Variants in UBR4 observed in about 807,000 individuals in gnomAD.
The protein encoded by UBR4 is E3 ubiquitin-protein ligase UBR4.
Under a neutral mutation model 575.6 loss-of-function variants are expected in UBR4, and 124 were observed. That is an observed-to-expected ratio of 0.22 (90% CI 0.19 to 0.25). The LOEUF (loss-of-function observed/expected upper bound fraction) is 0.25, where lower values mean the gene tolerates loss of function less well. Ranked by LOEUF, UBR4 falls within the 10% of genes least tolerant of loss-of-function variation. UBR4 has a pLI of 1.00. For missense variants in UBR4, 4,818 were observed against 6,478.8 expected (o/e 0.74, Z 8.80); for synonymous variants, 2,455 against 2,473.7 (o/e 0.99, Z 0.22).
chr1:19,144,269 C>T (rs2084524135), intron 54 of UBR4, among the ~76,000 whole-genome samples, 178 bp from the exon 55 acceptor site: 1 of 152,232 alleles, frequency 6.6e-6, no homozygotes, highest in East Asian at 1.9e-4. Flanking sequence ...CCTGTTCTGG[C>T]ACACATTAAG....
intron 2 of UBR4, among the ~76,000 whole-genome samples, chr1:19,201,338 A>G (rs2092731319): frequency 6.6e-6 from 1 of 152,202 alleles, no homozygotes; most frequent in Admixed American, 6.5e-5. Flanking sequence ...CCAAAACCAA[A>G]TAAGGAATAG....
chr1:19,077,301 G>A lies in UBR4; in HGVS notation c.15325-399C>T, dbSNP rs144378544. On this transcript the variant is annotated intron_variant, in intron 104 of 105. Transcript: ENST00000375254. ...GAGTGTCCTGTTATAAGCTGGCTGC[G>A]GTAAGTCAGACTCACTCAGGGCAAC... Among the ~76,000 whole-genome samples the A allele has an allele frequency of 3.3e-5, 5 of 152,324 alleles. No homozygotes were observed. The East Asian group carries it at 9.6e-4, about 29-fold the overall frequency.
In UBR4 at chr1:19,141,435, G is replaced by A. The variant is rs1272370188; in HGVS notation, c.8400C>T (p.Phe2800=). The change falls in exon 57 of 106, where the codon TTC becomes TTT. Residue 2800 remains phenylalanine, a synonymous_variant. Coordinates refer to ENST00000375254, the MANE Select transcript of UBR4 (RefSeq NM_020765.3). The part of the protein sequence containing the change: ...LEALLAGAEG[F]PPMLDIPPDA... ...CAGGTGGGATGTCCAGCATGGGGGGGAAGCCCTCTGCGCCTGCCAGCAGGG... is the reference window on the plus strand; with the variant it reads ...CAGGTGGGATGTCCAGCATGGGGGGAAAGCCCTCTGCGCCTGCCAGCAGGG... 6.2e-7 allele frequency: 1 copy of A among 1,614,246 alleles called. No homozygotes were observed. The highest frequency in any genetic ancestry group is 1.7e-5 in the Admixed American group (1 of 60,032).
Position 19,157,707 on chromosome 1 carries a change from T to A in UBR4, c.5760+108A>T. The A allele has an allele frequency of 7.2e-7, 1 of 1,397,250 alleles. No individual in the cohort carries two copies. Among genetic ancestry groups the A allele is most frequent in the Middle Eastern group, 2.5e-4 (1 of 3,930 alleles). 86.6% of individuals were successfully genotyped at this position (1,397,250 alleles called of 1,614,324 possible). ...TCCCTGAAGCATTCTTAGAACGCAG[T>A]GGACTTTTTCCCACAGAGGGCTAAT... On this transcript the variant is annotated intron_variant, in intron 40 of 105. Coordinates refer to ENST00000375254, the MANE Select transcript of UBR4 (RefSeq NM_020765.3). The surrounding 1 kb of genome is among the most constrained non-coding windows in gnomAD (Gnocchi z 4.4).
At chr1:19,148,669 T>G in intron 49 of UBR4, 43 bp from the exon 50 acceptor site, 1 of 1,609,900 alleles carries the variant, frequency 6.2e-7, no homozygotes, top group Non-Finnish European at 8.5e-7. Context: ...CACCGTTCTC[T>G]CCGCCTTGCG....
chr1:19,207,803 T>G (rs2093084985), intron 1 of UBR4, among the ~76,000 whole-genome samples: 2 of 152,026 alleles, frequency 1.3e-5, no homozygotes, highest in South Asian at 4.1e-4. Context: ...AAGAATAGTT[T>G]GTGACATGTA....
At chr1:19,115,322 G>T in intron 74 of UBR4, 76 bp downstream of exon 74, 1 of 1,554,216 alleles carries the variant, frequency 6.4e-7, no homozygotes, top group Non-Finnish European at 8.7e-7. Flanking sequence ...CACTGTAATT[G>T]CTCACACTGA....
Position 19,152,394 on chromosome 1 carries a change from A to C in UBR4, c.6915T>G (p.Gly2305=). 1 of 1,613,920 alleles carries C rather than the reference A, an allele frequency of 6.2e-7. No individual in the cohort carries two copies. Among genetic ancestry groups the C allele is most frequent in the Non-Finnish European group, 8.5e-7 (1 of 1,179,842 alleles). ...CATTATAGACCTGTAGGAGGTCGTT[A>C]CCACCAAACTCCACATCTGTCAGCT... is the stretch of plus-strand genomic sequence containing the variant. ...NQQLTDVEFG[G]NDLLQVYNAQ... The change falls in exon 47 of 106, where the codon GGT becomes GGG. Residue 2305 remains glycine (G), a synonymous_variant. Transcript: ENST00000375254. The surrounding 1 kb of genome is among the most constrained non-coding windows in gnomAD (Gnocchi z 4.4).
At chr1:19,208,466 C>CAAAA (rs71030137) in intron 1 of UBR4, among the ~76,000 whole-genome samples, 80 of 76,776 alleles carry the variant, frequency 1.0e-3, no homozygotes, top group African/African-American at 2.4e-3. Flanking sequence ...GAATCCATCT[C>CAAAA]AAAAAAAAAA....
chr1:19,139,778 C>T lies in UBR4; in HGVS notation c.8594-558G>A, dbSNP rs2083632682. On this transcript the variant is annotated intron_variant, in intron 58 of 105. Transcript: ENST00000375254. The surrounding 1 kb of genome is among the most constrained non-coding windows in gnomAD (Gnocchi z 4.2). ...TTTTAGCAAGTGGTCCAGAGGGGAG[C>T]TCATTGGGAAATTTCACACCTCCTA... Among the ~76,000 whole-genome samples the T allele has an allele frequency of 6.6e-6, 1 of 152,170 alleles. No homozygotes were observed. The highest frequency in any genetic ancestry group is 1.5e-5 in the Non-Finnish European group (1 of 68,038).
Position 19,167,013 on chromosome 1 carries a change from C to T in UBR4, c.4109+9G>A, listed in dbSNP as rs556852826. 1 of 1,614,208 alleles carries T rather than the reference C, an allele frequency of 6.2e-7. No individual in the cohort carries two copies. The highest frequency in any genetic ancestry group is 1.1e-5 in the South Asian group (1 of 91,084). ...CATAGGAAACCTGACTGTTCTCCAT[C>T]AGGCTCACCTGTTAGGATCTGCATG... is the stretch of plus-strand genomic sequence containing the variant. On this transcript the variant is annotated intron_variant, in intron 29 of 105. Coordinates refer to ENST00000375254, the MANE Select transcript of UBR4 (RefSeq NM_020765.3).
rs757961821 is a variant in UBR4 at position 19,147,988 on chromosome 1, G to GTT, written c.7629+3_7629+4dup. On this transcript the variant is annotated splice_donor_region_variant and intron_variant, in intron 51 of 105. Coordinates refer to ENST00000375254, the MANE Select transcript of UBR4 (RefSeq NM_020765.3). ...GCAATTTCCTTTCCCTGAGAGAACA[G>GTT]TTACCTTGTGGCTGTGGTAGGCCGA... 3 of 1,611,482 alleles carry GTT rather than the reference G, an allele frequency of 1.9e-6. No individual in the cohort carries two copies. In the South Asian group the frequency reaches 3.3e-5, roughly 18 times the overall value.
At chr1:19,083,068 G>A (rs952949630) in intron 102 of UBR4, among the ~76,000 whole-genome samples, 3 of 152,160 alleles carry the variant, frequency 2.0e-5, no homozygotes, top group Non-Finnish European at 2.9e-5. Context: ...GAAGGGACCT[G>A]ACAATTACAA....
intron 103 of UBR4, chr1:19,080,095 C>G (rs573534329): frequency 6.6e-6 from 1 of 152,366 alleles, no homozygotes; most frequent in South Asian, 2.1e-4. Context: ...AATGGCCACT[C>G]TATTTGCTGT....
At chr1:19,160,330 A>T in intron 38 of UBR4, 49 bp from the exon 39 acceptor site, 1 of 1,473,418 alleles carries the variant, frequency 6.8e-7, no homozygotes, top group East Asian at 2.5e-5. Context: ...AAAAAGAAAA[A>T]CAATGGATAA....
At chr1:19,096,422 G>C in intron 92 of UBR4, 101 bp downstream of exon 92, 1 of 1,518,632 alleles carries the variant, frequency 6.6e-7, no homozygotes, top group South Asian at 1.3e-5. Flanking sequence ...GCACCATGCT[G>C]CCCTCTAGGG....
In UBR4 at chr1:19,081,418, C is replaced by T. The variant is rs141281527; in HGVS notation, c.15164G>A (p.Arg5055His). The change falls in exon 103 of 106, where the codon CGT becomes CAT. Residue 5055 changes from arginine to histidine, a missense_variant. This residue lies in a region of UBR4 where 212 missense variants were observed against 221.3 expected (regional missense o/e 0.96). Transcript: ENST00000375254. ...ILPPEQWRAT[R>H]VEILRRLLVT... Reference sequence around the variant, plus strand: ...CAACAGCCTCCGCAAGATTTCCACACGTGTGGCTCTCCACTGCTCAGGGGG... The same window carrying T: ...CAACAGCCTCCGCAAGATTTCCACATGTGTGGCTCTCCACTGCTCAGGGGG... 2.9e-4 allele frequency: 462 copies of T among 1,613,980 alleles called. 1 individual carries two copies. Among genetic ancestry groups the T allele is most frequent in the South Asian group, 3.8e-4 (35 of 91,078 alleles).
intron 105 of UBR4, 64 bp downstream of exon 105, chr1:19,076,676 C>T: frequency 6.2e-7 from 1 of 1,607,518 alleles, no homozygotes; most frequent in Non-Finnish European, 8.5e-7. Context: ...TACGGATGAC[C>T]CACGGAGGAA....
At chr1:19,138,528 G>C (rs777747690) in intron 59 of UBR4, among the ~76,000 whole-genome samples, 2 of 152,156 alleles carry the variant, frequency 1.3e-5, no homozygotes, top group African/African-American at 2.4e-5. Flanking sequence ...ATTGTATCCA[G>C]TTGCTAACCA....
Sources: gnomAD v4.1 joint callset for allele counts (sites outside exome capture counted in the v4.1 genomes callset) on GRCh38, gnomAD v4.1.1 for gene constraint, gnomAD v4.1.1 regional missense constraint, Gnocchi (gnomAD v3.1) non-coding constraint, MANE v1.5 for transcripts, NCBI Gene and HGNC (gene_info 2026-07-23, HGNC 2026-07-21) for gene names.